Variants in STK11 observed in about 807,000 individuals in gnomAD.
STK11 encodes the protein serine/threonine-protein kinase STK11.
In STK11, 8 loss-of-function variants were observed where a neutral mutation model predicts 47.3. That is an observed-to-expected ratio of 0.17 (90% CI 0.10 to 0.31). STK11 has a LOEUF of 0.31. Ranked by LOEUF, STK11 falls within the 10% of genes least tolerant of loss-of-function variation. The pLI, the probability that STK11 is intolerant of heterozygous loss-of-function variation, is 1.00. For missense variants in STK11, 475 were observed against 605.0 expected, an observed-to-expected ratio of 0.79 and a Z score of 2.25; for synonymous variants, 330 against 255.8, an observed-to-expected ratio of 1.29 and a Z score of -2.77.
intron 8 of STK11, 26 bp downstream of exon 8, chr19:1,223,198 G>C (rs771940170): frequency 2.5e-6 from 4 of 1,596,786 alleles, no homozygotes; most frequent in Non-Finnish European, 3.4e-6. Context: ...GCCCCTGCCC[G>C]GCTCTGCTGA....
At chr19:1,213,525 C>T (rs907527040) in intron 1 of STK11, among the ~76,000 whole-genome samples, 7 of 152,230 alleles carry the variant, frequency 4.6e-5, no homozygotes, top group African/African-American at 7.2e-5. Flanking sequence ...TCACACACCG[C>T]GTGGCCTTTT....
At chr19:1,225,276 CTTT>C (rs540247998) in intron 8 of STK11, 5 of 853,468 alleles carry the variant, frequency 5.9e-6, no homozygotes, top group Non-Finnish European at 5.6e-6. Flanking sequence ...TCTTTTTTAT[CTTT>C]TTTTTTTTTT....
chr19:1,223,701 C>A, intron 8 of STK11: 1 of 1,044,308 alleles, frequency 9.6e-7, no homozygotes, highest in South Asian at 4.5e-5. Flanking sequence ...AGCGAGGGCT[C>A]AGACCTTTCA....
At chr19:1,212,273 CTTTTTTT>C (rs775284754) in intron 1 of STK11, among the ~76,000 whole-genome samples, 4 of 89,838 alleles carry the variant, frequency 4.5e-5, no homozygotes, top group Non-Finnish European at 6.0e-5. Flanking sequence ...TTCTTAACAC[CTTTTTTT>C]TTTTTTTTTT....
In STK11 at chr19:1,221,941, C is replaced by T. The variant is rs1224729035; in HGVS notation, c.863-8C>T. The T allele has an allele frequency of 3.9e-6, 6 of 1,554,542 alleles. No homozygotes were observed. Among genetic ancestry groups the T allele is most frequent in the Non-Finnish European group, 5.2e-6 (6 of 1,149,430 alleles). On this transcript the variant is annotated splice_polypyrimidine_tract_variant and splice_region_variant and intron_variant, in intron 6 of 9. Transcript: ENST00000326873. ...CAGCTGACAGGCTCCTCGCCGGCTT[C>T]TCCTCAGGGATGCTTGAGTACGAAC...
chr19:1,215,544 T>C, intron 1 of STK11, among the ~76,000 whole-genome samples: 1 of 152,194 alleles, frequency 6.6e-6, no homozygotes, highest in Non-Finnish European at 1.5e-5. Context: ...GGCGGCCCCT[T>C]GTCCAGGCCC....
chr19:1,212,317 T>A lies in STK11; in HGVS notation c.290+5114T>A, dbSNP rs543485461. On this transcript the variant is annotated intron_variant, in intron 1 of 9. Transcript: ENST00000326873. ...TTTTTTTTTGGAGACAGGGTCTCACTGTATCGCCGAGGCTGGAGTGCAGTG... is the reference window on the plus strand; with the variant it reads ...TTTTTTTTTGGAGACAGGGTCTCACAGTATCGCCGAGGCTGGAGTGCAGTG... 2.9e-5 allele frequency among the ~76,000 whole-genome samples: 4 copies of A among 138,712 alleles called. No homozygotes were observed. The South Asian group carries it at 9.6e-4, about 33-fold the overall frequency. The allele number at this position is 138,712 out of a possible 152,430, so 91.0% of individuals were successfully genotyped here.
rs1295101959 is a variant in STK11 at position 1,228,191 on chromosome 19, CT to C, written c.*616del. 9.7e-7 allele frequency: 1 copy of C among 1,029,896 alleles called. No homozygotes were observed. The highest frequency in any genetic ancestry group is 1.2e-6 in the Non-Finnish European group (1 of 846,986). 63.8% of individuals were successfully genotyped at this position (1,029,896 alleles called of 1,614,324 possible). On this transcript the variant is annotated 3_prime_UTR_variant, in exon 10 of 10. Coordinates refer to ENST00000326873, the MANE Select transcript of STK11 (RefSeq NM_000455.5). ...GCCGCCTTTGCGCTCTCGGGTCACC[CT>C]GCTTTGGCGGCCCGGCCGGAGGGCA...
Position 1,227,927 on chromosome 19 carries a change from T to C in STK11, c.*351T>C. 1 of 1,070,202 alleles carries C rather than the reference T, an allele frequency of 9.3e-7. No individual in the cohort carries two copies. Among genetic ancestry groups the C allele is most frequent in the Middle Eastern group, 4.2e-4 (1 of 2,408 alleles). 66.3% of individuals were successfully genotyped at this position (1,070,202 alleles called of 1,614,324 possible). On this transcript the variant is annotated 3_prime_UTR_variant, in exon 10 of 10. Coordinates refer to ENST00000326873, the MANE Select transcript of STK11 (RefSeq NM_000455.5). Reference sequence around the variant, plus strand: ...GTGCTCCGCAGGGCGCCCAGCGCCGTCCGGCGGCCCCGCCGCAGACCAGCT... The same window carrying C: ...GTGCTCCGCAGGGCGCCCAGCGCCGCCCGGCGGCCCCGCCGCAGACCAGCT...
chr19:1,222,013 G>C lies in STK11; in HGVS notation c.920+7G>C, dbSNP rs2075607. Reference sequence around the variant, plus strand: ...GGCAGATCCGGCAGCACAGGTGAGCGGCCCCTGGGGGCAGTGGGGCCGAGG... The same window carrying C: ...GGCAGATCCGGCAGCACAGGTGAGCCGCCCCTGGGGGCAGTGGGGCCGAGG... On this transcript the variant is annotated splice_region_variant and intron_variant, in intron 7 of 9. Transcript: ENST00000326873. The C allele has an allele frequency of 0.2, 310,641 of 1,565,116 alleles. 32,560 individuals carry two copies. Among genetic ancestry groups the C allele is most frequent in the East Asian group, 0.31 (13,089 of 41,810 alleles).
rs981295184 is a variant in STK11, at chr19:1,219,492, C to G, written c.464+79C>G. ...GCAGGCTCCTTTCCGTGAGGCCACA[C>G]TGCTTGTCCTGATATTCATTGACAT... On this transcript the variant is annotated intron_variant, in intron 3 of 9. Transcript: ENST00000326873. 5 of 1,417,254 alleles carry G rather than the reference C, an allele frequency of 3.5e-6. No homozygotes were observed. The African/African-American group carries it at 4.3e-5, about 12-fold the overall frequency. 87.8% of individuals were successfully genotyped at this position (1,417,254 alleles called of 1,614,324 possible). A position where few individuals can be genotyped will look rare whatever the true frequency, so the allele number is the denominator to read the frequency against.
chr19:1,226,007 TGCCTGGCCTGA>T (rs1393225344), intron 8 of STK11: 7 of 1,009,426 alleles, frequency 6.9e-6, no homozygotes, highest in South Asian at 4.0e-5. Context: ...GCATTTCGCG[TGCCTGGCCTGA>T]GCCTGGCCCG....
chr19:1,215,185 A>ACCCTGCCTCACCCTCAGCGTCC (rs1555736680), intron 1 of STK11, among the ~76,000 whole-genome samples: 2 of 151,704 alleles, frequency 1.3e-5, no homozygotes, highest in Admixed American at 1.3e-4. Flanking sequence ...GCCCAGCCTC[A>ACCCTGCCTCACCCTCAGCGTCC]CCCTCAGCGT....
intron 3 of STK11, 72 bp downstream of exon 3, chr19:1,219,485 G>T: frequency 1.4e-6 from 2 of 1,466,060 alleles, no homozygotes; most frequent in Non-Finnish European, 9.3e-7. Context: ...CTTTCCGTGA[G>T]GCCACACTGC....
In STK11 at chr19:1,223,139, G is replaced by A. The variant is rs1060499967; in HGVS notation, c.1075G>A (p.Asp359Asn). ...EDEDLFDIEDDIIYTQDFTVP... is the reference protein window; with the variant it reads ...EDEDLFDIEDNIIYTQDFTVP... ...CGAGGACCTCTTCGACATCGAGGAT[G>A]ACATCATCTACACTCAGGACTTCAC... Residue 359 changes from aspartate to asparagine, a missense_variant, in exon 8 of 10, where the codon GAC (aspartate) becomes AAC (asparagine). Around this residue, in one of 5 missense-constraint regions of STK11, gnomAD observed 219 missense variants for 189.2 expected, o/e 1.16. Transcript: ENST00000326873. 1 of 1,611,826 alleles carries A rather than the reference G, an allele frequency of 6.2e-7. No homozygotes were observed. The highest frequency in any genetic ancestry group is 1.1e-5 in the South Asian group (1 of 90,850).
Position 1,220,989 on chromosome 19 carries a change from G to A in STK11, c.735-224G>A, listed in dbSNP as rs545114686. Among the ~76,000 whole-genome samples, 225 of 152,340 alleles carry A rather than the reference G, an allele frequency of 1.5e-3. 1 individual carries two copies. Among genetic ancestry groups the A allele is most frequent in the Non-Finnish European group, 2.8e-3 (188 of 68,010 alleles). On this transcript the variant is annotated intron_variant, in intron 5 of 9. Coordinates refer to ENST00000326873, the MANE Select transcript of STK11 (RefSeq NM_000455.5). ...AGCCCCACAGGGAAGCTGGGCGGGT[G>A]ACAGCAGCTCCAGGCCCCTTCCCCG...
At chr19:1,215,332 A>G (rs2080738186) in intron 1 of STK11, among the ~76,000 whole-genome samples, 2 of 152,226 alleles carry the variant, frequency 1.3e-5, no homozygotes, top group Admixed American at 1.3e-4. Flanking sequence ...AGGGCTTCTC[A>G]GCGAGCAGAC....
intron 8 of STK11, chr19:1,224,283 C>T: frequency 3.0e-6 from 3 of 985,374 alleles, no homozygotes; most frequent in Non-Finnish European, 3.6e-6. Flanking sequence ...CCCAGGATCA[C>T]AGGGTCTCAG....
chr19:1,225,863 C>T (rs1333412177), intron 8 of STK11: 12 of 987,168 alleles, frequency 1.2e-5, no homozygotes, highest in Non-Finnish European at 1.2e-5. Context: ...GAACAGTGTC[C>T]ACCTGGGCAG....
Sources: gnomAD v4.1 joint callset for allele counts (sites outside exome capture counted in the v4.1 genomes callset) on GRCh38, gnomAD v4.1.1 for gene constraint, gnomAD v4.1.1 regional missense constraint, MANE v1.5 for transcripts, NCBI Gene and HGNC (gene_info 2026-07-23, HGNC 2026-07-21) for gene names.